LCORL: variants seen among roughly 807,000 people sequenced by gnomAD.
The protein encoded by LCORL is ligand dependent nuclear receptor corepressor like, also known as ligand-dependent nuclear receptor corepressor-like protein.
LCORL carries 41 observed loss-of-function variants against 141.8 expected under a neutral mutation model. The observed-to-expected ratio is 0.29, with a 90% CI of 0.23 to 0.38. LCORL has a LOEUF of 0.38. Among genes scored for constraint, LCORL ranks in the 10% least tolerant of loss-of-function variants. The probability of loss-of-function intolerance (pLI) is 1.00; values close to 1 mark genes in which losing one functional copy is unlikely to be tolerated. For synonymous variants in LCORL, 618 were observed against 694.1 expected, an observed-to-expected ratio of 0.89 and a Z score of 1.72; for missense variants, 1,759 against 2,035.0, an observed-to-expected ratio of 0.86 and a Z score of 2.61.
At chr4:17,996,306 A>T (rs979417455) in intron 1 of LCORL, among the ~76,000 whole-genome samples, 1 of 152,094 alleles carries the variant, frequency 6.6e-6, no homozygotes, top group African/African-American at 2.4e-5. Flanking sequence ...GTAGCTAAAT[A>T]ATCTAGATGT....
intron 1 of LCORL, among the ~76,000 whole-genome samples, chr4:17,996,211 A>C (rs1347284944): frequency 6.6e-6 from 1 of 152,028 alleles, no homozygotes; most frequent in Non-Finnish European, 1.5e-5. Flanking sequence ...TTTATCTTTT[A>C]CCAGCTCTGT....
exon 8 of LCORL, chr4:17,842,617 G>T: frequency 2.5e-6 from 1 of 396,758 alleles, no homozygotes; most frequent in South Asian, 3.5e-5. Flanking sequence ...TTAATATGTT[G>T]TTTCAATTTT....
At chr4:17,932,945 T>C (rs1736281329) in intron 4 of LCORL, among the ~76,000 whole-genome samples, 1 of 152,214 alleles carries the variant, frequency 6.6e-6, no homozygotes, top group Non-Finnish European at 1.5e-5. Flanking sequence ...ATACATGAAA[T>C]AGAACTTGAC....
At chr4:17,951,050 C>A (rs1739646079) in intron 4 of LCORL, among the ~76,000 whole-genome samples, 1 of 152,154 alleles carries the variant, frequency 6.6e-6, no homozygotes, top group Non-Finnish European at 1.5e-5. Context: ...GGATGAACCT[C>A]AGGCATCTAT....
At chr4:17,873,903 T>C in exon 7 of LCORL, 2 of 1,234,070 alleles carry the variant, frequency 1.6e-6, no homozygotes, top group Non-Finnish European at 2.0e-6. Flanking sequence ...ATTTGTTCCA[T>C]TCTCTTTTGC....
At chr4:17,877,608 A>T in exon 7 of LCORL, 1 of 1,230,664 alleles carries the variant, frequency 8.1e-7, no homozygotes, top group Non-Finnish European at 1.0e-6. Flanking sequence ...TAAGGCTGAA[A>T]TCTCTGAGAT....
chr4:17,888,721 T>C (rs1287511833), intron 5 of LCORL, among the ~76,000 whole-genome samples: 3 of 152,144 alleles, frequency 2.0e-5, no homozygotes, highest in Non-Finnish European at 2.9e-5. Flanking sequence ...TTACTAAACA[T>C]TGGTAGAGTG....
At chr4:17,967,017 C>G (rs1278369985) in intron 2 of LCORL, among the ~76,000 whole-genome samples, 1 of 152,056 alleles carries the variant, frequency 6.6e-6, no homozygotes, top group African/African-American at 2.4e-5. Context: ...TGAAAGTGAG[C>G]AAGATGTGTT....
intron 4 of LCORL, among the ~76,000 whole-genome samples, chr4:17,909,859 A>G (rs963727875): frequency 1.3e-5 from 2 of 152,058 alleles, no homozygotes; most frequent in African/African-American, 2.4e-5. Flanking sequence ...TTTTCTTTTG[A>G]TTTTTTATAT....
At chr4:17,883,368 C>T (rs989667966) in intron 6 of LCORL, 4 of 1,024,554 alleles carry the variant, frequency 3.9e-6, no homozygotes, top group South Asian at 9.0e-5. Flanking sequence ...GGTCTTTCAC[C>T]AATAAAAATG....
chr4:17,954,280 A>G (rs1232119998), intron 4 of LCORL, among the ~76,000 whole-genome samples: 2 of 152,190 alleles, frequency 1.3e-5, no homozygotes, highest in East Asian at 3.9e-4. Context: ...ATTTGATGAT[A>G]TGAAGAAGTT....
chr4:17,998,338 T>C (rs1318496467), intron 1 of LCORL, among the ~76,000 whole-genome samples: 1 of 152,170 alleles, frequency 6.6e-6, no homozygotes, highest in Non-Finnish European at 1.5e-5. Flanking sequence ...ACTATAATTT[T>C]TTTACATTAT....
chr4:17,849,932 G>T (rs1187962474), intron 7 of LCORL, among the ~76,000 whole-genome samples: 1 of 151,510 alleles, frequency 6.6e-6, no homozygotes, highest in African/African-American at 2.4e-5. Context: ...CCAAAACAGA[G>T]ATATAGATCA....
chr4:17,912,648 C>A (rs149030880), intron 4 of LCORL: 2 of 394,698 alleles, frequency 5.1e-6, no homozygotes, highest in Non-Finnish European at 9.8e-6. Flanking sequence ...AATCTGGAGG[C>A]CAGCTTGGAG....
chr4:17,861,238 C>T (rs549229243), intron 7 of LCORL, among the ~76,000 whole-genome samples: 3 of 152,362 alleles, frequency 2.0e-5, no homozygotes, highest in South Asian at 2.1e-4. Context: ...GGCATCCAGG[C>T]GTTTCCACAC....
chr4:17,971,949 C>T (rs186271108), intron 2 of LCORL, among the ~76,000 whole-genome samples: 102 of 151,554 alleles, frequency 6.7e-4, no homozygotes, highest in Middle Eastern at 3.4e-3. Flanking sequence ...AAGCAGGTCA[C>T]GCCTAATAAG....
At chr4:17,930,493 A>G (rs1247363067) in intron 4 of LCORL, among the ~76,000 whole-genome samples, 1 of 152,214 alleles carries the variant, frequency 6.6e-6, no homozygotes, top group African/African-American at 2.4e-5. Context: ...ATTATGCTGG[A>G]TTTAAACCTA....
intron 4 of LCORL, among the ~76,000 whole-genome samples, chr4:17,955,546 GTATA>G (rs1392628526): frequency 1.3e-5 from 2 of 152,126 alleles, no homozygotes; most frequent in African/African-American, 4.8e-5. Context: ...AATAAGTAGA[GTATA>G]TAGTATAATA....
chr4:18,013,866 T>C (rs1471575675), intron 1 of LCORL, among the ~76,000 whole-genome samples: 1 of 151,940 alleles, frequency 6.6e-6, no homozygotes, highest in African/African-American at 2.4e-5. Context: ...TGGAGTACAG[T>C]TGCATGATCT....
Sources: allele counts gnomAD v4.1 joint callset (sites outside exome capture counted in the v4.1 genomes callset), GRCh38; gene constraint gnomAD v4.1.1; transcripts MANE v1.5; gene names NCBI Gene and HGNC (gene_info 2026-07-23, HGNC 2026-07-21).